PRKCE: variants seen among roughly 807,000 people sequenced by gnomAD.
PRKCE encodes the protein protein kinase C epsilon type.
Under a neutral mutation model 85.4 loss-of-function variants are expected in PRKCE, and 16 were observed. That is an observed-to-expected ratio of 0.19 (90% CI 0.13 to 0.28). The LOEUF (loss-of-function observed/expected upper bound fraction) is 0.28. Ranked by LOEUF, PRKCE falls within the 10% of genes least tolerant of loss-of-function variation. PRKCE has a pLI of 1.00. For missense variants in PRKCE, 573 were observed against 975.2 expected, an observed-to-expected ratio of 0.59 and a Z score of 5.49; for synonymous variants, 388 against 371.5, an observed-to-expected ratio of 1.04 and a Z score of -0.51.
chr2:46,065,841 T>C (rs947818219), intron 10 of PRKCE, among the ~76,000 whole-genome samples: 3 of 151,314 alleles, frequency 2.0e-5, no homozygotes, highest in Admixed American at 6.6e-5. Context: ...GTTTAAAAAA[T>C]AGAATGGATC....
chr2:45,805,932 T>G (rs1360011294), intron 1 of PRKCE, among the ~76,000 whole-genome samples: 1 of 152,212 alleles, frequency 6.6e-6, no homozygotes, highest in Non-Finnish European at 1.5e-5. Context: ...ACAACTCTCC[T>G]GTTTTACACA....
chr2:45,700,060 G>C (rs933951089), intron 1 of PRKCE, among the ~76,000 whole-genome samples: 13 of 152,014 alleles, frequency 8.6e-5, no homozygotes, highest in Non-Finnish European at 2.9e-5. Flanking sequence ...CAGAAGGCAC[G>C]AGCCACAAGA....
intron 4 of PRKCE, 54 bp downstream of exon 4, chr2:45,979,064 AC>A: frequency 6.5e-7 from 1 of 1,540,264 alleles, no homozygotes; most frequent in Non-Finnish European, 8.9e-7. Context: ...GATCCAGATC[AC>A]TGGCACCCAT....
At chr2:45,714,218 C>A (rs545490022) in intron 1 of PRKCE, among the ~76,000 whole-genome samples, 4 of 152,216 alleles carry the variant, frequency 2.6e-5, no homozygotes, top group African/African-American at 9.6e-5. Flanking sequence ...TGAAACAAGC[C>A]AATACATAAG....
intron 1 of PRKCE, among the ~76,000 whole-genome samples, chr2:45,748,363 C>T (rs148557131): frequency 6.6e-6 from 1 of 152,342 alleles, no homozygotes; most frequent in Non-Finnish European, 1.5e-5. Context: ...GTCAAGCCTG[C>T]CTGACTCCCC....
At chr2:46,058,117 A>G (rs1666767424) in intron 10 of PRKCE, among the ~76,000 whole-genome samples, 1 of 152,182 alleles carries the variant, frequency 6.6e-6, no homozygotes, top group South Asian at 2.1e-4. Flanking sequence ...GCTGGAAGGA[A>G]CCTCAGGGAC....
At chr2:45,886,977 C>T (rs1350761703) in intron 2 of PRKCE, among the ~76,000 whole-genome samples, 7 of 152,196 alleles carry the variant, frequency 4.6e-5, no homozygotes. Context: ...TCACTAGCCT[C>T]ACGTGGCAGA....
intron 1 of PRKCE, among the ~76,000 whole-genome samples, chr2:45,822,949 T>C (rs566909393): frequency 6.6e-6 from 1 of 152,356 alleles, no homozygotes; most frequent in East Asian, 1.9e-4. Context: ...AGATAAGTGA[T>C]GGATCTATTT....
At chr2:45,926,646 T>A (rs1265190698) in intron 2 of PRKCE, among the ~76,000 whole-genome samples, 2 of 152,240 alleles carry the variant, frequency 1.3e-5, no homozygotes, top group East Asian at 3.8e-4. Flanking sequence ...TTTCTTTTTT[T>A]GTTTTGGTCA....
chr2:46,125,260 G>A (rs1673734583), intron 11 of PRKCE, among the ~76,000 whole-genome samples: 3 of 152,226 alleles, frequency 2.0e-5, no homozygotes, highest in Admixed American at 6.5e-5. Context: ...CAAACTGATA[G>A]GAAGGGAAAA....
chr2:46,183,207 G>C (rs780088151), intron 14 of PRKCE, among the ~76,000 whole-genome samples: 3 of 152,192 alleles, frequency 2.0e-5, no homozygotes, highest in South Asian at 2.1e-4. Context: ...CAAGTTTGAG[G>C]AAGGCTAGCC....
At chr2:46,057,133 C>T (rs1270305689) in intron 10 of PRKCE, among the ~76,000 whole-genome samples, 2 of 152,152 alleles carry the variant, frequency 1.3e-5, no homozygotes, top group African/African-American at 4.8e-5. Flanking sequence ...GGCCTCAGGG[C>T]AGTCAAGCTG....
At chr2:46,054,295 A>T (rs1468884347) in intron 10 of PRKCE, among the ~76,000 whole-genome samples, 1 of 152,254 alleles carries the variant, frequency 6.6e-6, no homozygotes, top group Non-Finnish European at 1.5e-5. Flanking sequence ...TGACCTCCCC[A>T]TGCTGTGCAC....
At chr2:45,933,840 A>G (rs1295453255) in intron 2 of PRKCE, among the ~76,000 whole-genome samples, 3 of 152,148 alleles carry the variant, frequency 2.0e-5, no homozygotes, top group South Asian at 2.1e-4. Flanking sequence ...TTATAGCACA[A>G]TCATAAGATT....
At chr2:45,787,223 C>A (rs1346936204) in intron 1 of PRKCE, among the ~76,000 whole-genome samples, 1 of 152,154 alleles carries the variant, frequency 6.6e-6, no homozygotes, top group African/African-American at 2.4e-5. Flanking sequence ...AGTGCAGGCT[C>A]GGAAGCTTGA....
At chr2:45,734,140 G>A (rs956832249) in intron 1 of PRKCE, among the ~76,000 whole-genome samples, 6 of 152,190 alleles carry the variant, frequency 3.9e-5, no homozygotes, top group Admixed American at 6.5e-5. Context: ...TCCGAGGCAG[G>A]TGGATCATGA....
intron 2 of PRKCE, among the ~76,000 whole-genome samples, chr2:45,922,613 G>A (rs1473364357): frequency 1.3e-5 from 2 of 152,190 alleles, no homozygotes; most frequent in Non-Finnish European, 2.9e-5. Context: ...CCAAGCCCAT[G>A]TGGGCCCAAT....
intron 1 of PRKCE, among the ~76,000 whole-genome samples, chr2:45,683,471 A>C (rs1228305749): frequency 1.3e-5 from 2 of 152,146 alleles, no homozygotes; most frequent in Non-Finnish European, 2.9e-5. Context: ...AAGAAAAGTA[A>C]TACCCCGAGG....
chr2:45,880,925 G>A (rs1446661186), intron 2 of PRKCE, among the ~76,000 whole-genome samples: 5 of 152,002 alleles, frequency 3.3e-5, no homozygotes, highest in African/African-American at 7.2e-5. Context: ...AGGCCGAGGC[G>A]GGCGGATCAC....
Sources: gnomAD v4.1 joint callset for allele counts (sites outside exome capture counted in the v4.1 genomes callset) on GRCh38, gnomAD v4.1.1 for gene constraint, MANE v1.5 for transcripts, NCBI Gene and HGNC (gene_info 2026-07-23, HGNC 2026-07-21) for gene names.